ALCAM: variants seen among roughly 807,000 people sequenced by gnomAD.
ALCAM encodes the protein CD166 antigen.
A neutral mutation model predicts 70.9 loss-of-function variants in ALCAM; 30 were observed. The ratio of observed to expected loss-of-function variants is 0.42; its 90% CI spans 0.32 to 0.57. The LOEUF is 0.57. Ranked by LOEUF, ALCAM falls within the 20% of genes least tolerant of loss-of-function variation. ALCAM has a pLI of 0.11. For synonymous variants in ALCAM, 249 were observed against 242.5 expected, an observed-to-expected ratio of 1.03 and a Z score of -0.25; for missense variants, 591 against 695.1, an observed-to-expected ratio of 0.85 and a Z score of 1.68.
chr3:105,442,552 C>T lies in ALCAM; in HGVS notation c.73+75071C>T, dbSNP rs191211545. 8.5e-5 allele frequency among the ~76,000 whole-genome samples: 13 copies of T among 152,098 alleles called. No individual in the cohort carries two copies. In the East Asian group the frequency reaches 2.1e-3, roughly 25 times the overall value. ...ATCCCAGCACTGTGGGAGGCTGAGG[C>T]GGGTGGATCACGAGGTCAGGAGATC... On this transcript the variant is annotated intron_variant, in intron 1 of 15. Transcript: ENST00000306107.
Position 105,406,721 on chromosome 3 carries a change from G to A in ALCAM, c.73+39240G>A, listed in dbSNP as rs189738825. ...GAACACAACTAAATGAAATTTAAAC[G>A]ACAACAACAACAAAAAACAATAAAA... On this transcript the variant is annotated intron_variant, in intron 1 of 15. Transcript: ENST00000306107. 4.5e-3 allele frequency among the ~76,000 whole-genome samples: 664 copies of A among 147,760 alleles called. 3 individuals are homozygous for A. Among genetic ancestry groups the A allele is most frequent in the Admixed American group, 9.5e-3 (141 of 14,804 alleles).
At chr3:105,477,083 C>G (rs937162485) in intron 1 of ALCAM, among the ~76,000 whole-genome samples, 1 of 152,048 alleles carries the variant, frequency 6.6e-6, no homozygotes, top group African/African-American at 2.4e-5. Context: ...GCCTCCCCAG[C>G]CATGTGGAAC....
At chr3:105,561,216 A>C (rs1439329861) in intron 14 of ALCAM, among the ~76,000 whole-genome samples, 2 of 152,142 alleles carry the variant, frequency 1.3e-5, no homozygotes, top group Non-Finnish European at 2.9e-5. Context: ...AGTGTGATTA[A>C]TTTTTCATGT....
intron 1 of ALCAM, among the ~76,000 whole-genome samples, chr3:105,474,361 A>G (rs1007835649): frequency 2.0e-5 from 3 of 151,782 alleles, no homozygotes; most frequent in African/African-American, 7.2e-5. Flanking sequence ...GACTTCTTCC[A>G]TAAAGTAATT....
At chr3:105,376,667 A>T (rs565624280) in intron 1 of ALCAM, among the ~76,000 whole-genome samples, 1 of 152,352 alleles carries the variant, frequency 6.6e-6, no homozygotes, top group East Asian at 1.9e-4. Context: ...GGTAAATGTC[A>T]CAAGAACAAT....
intron 7 of ALCAM, among the ~76,000 whole-genome samples, chr3:105,541,324 C>T (rs1940110742): frequency 6.6e-6 from 1 of 151,774 alleles, no homozygotes; most frequent in South Asian, 2.1e-4. Context: ...TTACATAAGG[C>T]ATAAATATAA....
intron 14 of ALCAM, among the ~76,000 whole-genome samples, chr3:105,569,653 G>T (rs1324103998): frequency 6.6e-6 from 1 of 152,142 alleles, no homozygotes; most frequent in Non-Finnish European, 1.5e-5. Context: ...GTAGAATAAT[G>T]ATCTTTTGGA....
At chr3:105,406,796 A>T (rs2107384598) in intron 1 of ALCAM, among the ~76,000 whole-genome samples, 1 of 151,852 alleles carries the variant, frequency 6.6e-6, no homozygotes, top group Admixed American at 6.6e-5. Context: ...AATAAAACTG[A>T]TAGATCATTA....
intron 1 of ALCAM, among the ~76,000 whole-genome samples, chr3:105,380,599 A>C (rs1299357398): frequency 2.0e-5 from 3 of 151,940 alleles, no homozygotes; most frequent in Non-Finnish European, 4.4e-5. Context: ...TTTTACCTGA[A>C]GTCTAATTAA....
chr3:105,367,194 C>T lies in ALCAM; in HGVS notation c.-215C>T, dbSNP rs544350457. 3.5e-6 allele frequency: 2 copies of T among 563,508 alleles called. No homozygotes were observed. The highest frequency in any genetic ancestry group is 6.2e-5 in the Admixed American group (2 of 32,112). The allele number at this position is 563,508 out of a possible 1,614,324, so 34.9% of individuals were successfully genotyped here. On this transcript the variant is annotated 5_prime_UTR_variant, in exon 1 of 16. Coordinates refer to ENST00000306107, the MANE Select transcript of ALCAM (RefSeq NM_001627.4). ...GAAGGGCCCGTGGGCTGGTGTTGAC[C>T]GGGAGGGAGGAGGAGTTGGGGGCAT...
intron 1 of ALCAM, among the ~76,000 whole-genome samples, chr3:105,438,447 A>G (rs1377196743): frequency 1.3e-5 from 2 of 152,156 alleles, no homozygotes; most frequent in African/African-American, 2.4e-5. Flanking sequence ...AAAAATCTCT[A>G]TAATTCAATA....
At chr3:105,533,305 G>A (rs561769364) in intron 4 of ALCAM, among the ~76,000 whole-genome samples, 1 of 152,216 alleles carries the variant, frequency 6.6e-6, no homozygotes, top group East Asian at 1.9e-4. Flanking sequence ...TGTTAAAAAT[G>A]AATAGTGTCA....
chr3:105,502,550 G>A (rs1938953079), intron 1 of ALCAM, among the ~76,000 whole-genome samples: 2 of 152,172 alleles, frequency 1.3e-5, no homozygotes, highest in African/African-American at 2.4e-5. Flanking sequence ...TTAGACGGAT[G>A]GATTGACTTC....
At chr3:105,479,385 CTTT>C (rs1938209413) in intron 1 of ALCAM, among the ~76,000 whole-genome samples, 1 of 152,100 alleles carries the variant, frequency 6.6e-6, no homozygotes, top group Non-Finnish European at 1.5e-5. Context: ...AGATAGTTTA[CTTT>C]TTAGTTGATG....
chr3:105,519,217 G>T (rs1939466808), intron 1 of ALCAM, among the ~76,000 whole-genome samples: 1 of 151,782 alleles, frequency 6.6e-6, no homozygotes, highest in African/African-American at 2.4e-5. Context: ...AAATGCCTGG[G>T]TTTTTTTAAC....
chr3:105,373,372 A>G (rs1047095212), intron 1 of ALCAM, among the ~76,000 whole-genome samples: 3 of 152,198 alleles, frequency 2.0e-5, no homozygotes, highest in African/African-American at 7.2e-5. Context: ...TTTGTAGATT[A>G]AGATATCAAC....
intron 14 of ALCAM, among the ~76,000 whole-genome samples, chr3:105,561,737 A>AAAAAT: frequency 6.6e-6 from 1 of 152,198 alleles, no homozygotes; most frequent in Non-Finnish European, 1.5e-5. Context: ...CACAGAACTT[A>AAAAAT]CTAAAATTTT....
At chr3:105,384,357 G>A (rs1186499009) in intron 1 of ALCAM, among the ~76,000 whole-genome samples, 2 of 151,496 alleles carry the variant, frequency 1.3e-5, no homozygotes, top group East Asian at 1.9e-4. Flanking sequence ...TAAGTCTGGT[G>A]TCACTTCTCT....
At chr3:105,476,935 A>G (rs1938132507) in intron 1 of ALCAM, among the ~76,000 whole-genome samples, 1 of 151,970 alleles carries the variant, frequency 6.6e-6, no homozygotes, top group South Asian at 2.1e-4. Context: ...AGTCTTTACC[A>G]TGCTATCCTC....
Sources: gnomAD v4.1 joint callset for allele counts (sites outside exome capture counted in the v4.1 genomes callset) on GRCh38, gnomAD v4.1.1 for gene constraint, MANE v1.5 for transcripts, NCBI Gene and HGNC (gene_info 2026-07-23, HGNC 2026-07-21) for gene names.